C2CD2L: variants seen among roughly 807,000 people sequenced by gnomAD.
C2CD2L encodes C2CD2 like, also known as phospholipid transfer protein C2CD2L.
Under a neutral mutation model 69.9 loss-of-function variants are expected in C2CD2L, and 24 were observed. The observed-to-expected ratio is 0.34, with a 90% CI of 0.25 to 0.48. The LOEUF is 0.48. Ranked by LOEUF, C2CD2L falls within the 20% of genes least tolerant of loss-of-function variation. The probability of loss-of-function intolerance (pLI) is 0.99; values close to 1 mark genes in which losing one functional copy is unlikely to be tolerated. For synonymous variants in C2CD2L, 367 were observed against 391.0 expected, an observed-to-expected ratio of 0.94 and a Z score of 0.72; for missense variants, 811 against 941.5, an observed-to-expected ratio of 0.86 and a Z score of 1.81.
At position 119,110,140 on chromosome 11, in the gene C2CD2L, C is replaced by T. The variant is rs1360778626; in HGVS notation, c.391C>T (p.Leu131Phe). The T allele has an allele frequency of 6.2e-7, 1 of 1,614,100 alleles. No individual in the cohort carries two copies. The highest frequency in any genetic ancestry group is 2.2e-5 in the East Asian group (1 of 44,882). The change falls in exon 2 of 14, where the codon CTC becomes TTC. Residue 131 changes from leucine to phenylalanine, a missense_variant. Coordinates refer to ENST00000648610, the MANE Select transcript of C2CD2L (RefSeq NM_001290474.2). This position sits in a 1 kb window ranked among gnomAD's most constrained non-coding sequence, Gnocchi z 5.7. ...IQIAFEEVPQLPPRASISHVT... is the reference protein window; with the variant it reads ...IQIAFEEVPQFPPRASISHVT... ...AATCGCCTTTGAGGAGGTGCCCCAA[C>T]TCCCACCCAGAGCCAGCATCAGTCA...
At position 119,113,730 on chromosome 11, in the gene C2CD2L, T is replaced by G. The variant is rs7129574; in HGVS notation, c.1489+18T>G. The G allele has an allele frequency of 4.8e-3, 7,811 of 1,612,988 alleles. 324 individuals are homozygous for G. The African/African-American group carries it at 0.09, about 19-fold the overall frequency. On this transcript the variant is annotated intron_variant, in intron 11 of 13. Coordinates refer to ENST00000648610, the MANE Select transcript of C2CD2L (RefSeq NM_001290474.2). ...CAGCAGCCGTGAGTGGGGAATGGGG[T>G]GCATGAGTGTGGGTTGGCCCTGGTG...
Position 119,113,905 on chromosome 11 carries a change from C to A in C2CD2L, c.1540C>A (p.Arg514Ser), listed in dbSNP as rs140858856. The A allele has an allele frequency of 1.2e-6, 2 of 1,614,176 alleles. No individual in the cohort carries two copies. The highest frequency in any genetic ancestry group is 8.5e-7 in the Non-Finnish European group (1 of 1,180,026). Residue 514 changes from arginine to serine, a missense_variant, in exon 12 of 14, where the codon CGC becomes AGC. Physicochemically the swap from Arg to Ser is moderately radical, Grantham distance 110. Coordinates refer to ENST00000648610, the MANE Select transcript of C2CD2L (RefSeq NM_001290474.2). ...GGACCCTGTAGCAGAGACAGCGATT[C>A]GCCAGCTGACAGAGCCCAGTGGGCG... ...GLDPVAETAI[R>S]QLTEPSGRVA... is the part of the protein sequence containing the mutation.
chr11:119,116,083 C>G lies in C2CD2L; in HGVS notation c.1948C>G (p.Arg650Gly), dbSNP rs951788198. The G allele has an allele frequency of 1.9e-6, 3 of 1,614,108 alleles. No homozygotes were observed. The highest frequency in any genetic ancestry group is 2.2e-5 in the East Asian group (1 of 44,872). Residue 650 changes from arginine to glycine, a missense_variant, in exon 14 of 14, where the codon CGG becomes GGG. Transcript: ENST00000648610. ...LRSGTKLIFR[R>G]RPRQKEAGLS... is the part of the protein sequence containing the mutation. ...CAGCGGCACTAAGCTCATCTTCCGC[C>G]GGAGGCCTAGGCAGAAGGAAGCTGG... is the stretch of plus-strand genomic sequence containing the variant.
rs890713799 is a variant in C2CD2L at position 119,112,573 on chromosome 11, G to A, written c.1176G>A (p.Gly392=). Residue 392 remains glycine, a synonymous_variant, in exon 9 of 14, where the codon GGG becomes GGA. Transcript: ENST00000648610. ...RQLCPLTPGP[G]KALGPAATMA... is the part of the protein sequence containing the mutation. ...TGTGCCCACTCACCCCAGGGCCAGG[G>A]AAAGCCCTGGGACCAGCAGCCACCA... is the stretch of plus-strand genomic sequence containing the variant. 2.5e-5 allele frequency: 41 copies of A among 1,612,302 alleles called. No individual in the cohort carries two copies. The highest frequency in any genetic ancestry group is 3.4e-5 in the Non-Finnish European group (40 of 1,179,606).
At position 119,116,329 on chromosome 11, in the gene C2CD2L, C is replaced by T. The variant is rs1157469345; in HGVS notation, c.*73C>T. The T allele has an allele frequency of 5.6e-6, 7 of 1,256,820 alleles. No homozygotes were observed. The highest frequency in any genetic ancestry group is 8.0e-6 in the Non-Finnish European group (7 of 872,134). 77.9% of individuals were successfully genotyped at this position (1,256,820 alleles called of 1,614,324 possible). On this transcript the variant is annotated 3_prime_UTR_variant, in exon 14 of 14. Transcript: ENST00000648610. The stretch of plus-strand genomic sequence containing the variant: ...TCCCCTTCCATACCCCTTCCTGGAT[C>T]TCCAGTGCCTGGGCCAGGAAAGCCC...
rs748085659 is a variant in C2CD2L at position 119,113,935 on chromosome 11, G to A, written c.1570G>A (p.Ala524Thr). ...RQLTEPSGRV[A>T]KKTPTKRSTL... is the part of the protein sequence containing the mutation. ...GCTGACAGAGCCCAGTGGGCGGGTG[G>A]CCAAGAAGACACCCACCAAGCGCAG... Residue 524 changes from alanine to threonine, a missense_variant, in exon 12 of 14, where the codon GCC (alanine) becomes ACC (threonine). Coordinates refer to ENST00000648610, the MANE Select transcript of C2CD2L (RefSeq NM_001290474.2). 6.2e-7 allele frequency: 1 copy of A among 1,614,084 alleles called. No individual in the cohort carries two copies. The highest frequency in any genetic ancestry group is 1.3e-5 in the African/African-American group (1 of 74,926).
chr11:119,102,493 A>AT (rs1946526975), upstream of C2CD2L: 1 of 368,378 alleles, frequency 2.7e-6, no homozygotes, highest in Non-Finnish European at 5.6e-6. Flanking sequence ...CGATTCTGGT[A>AT]TTTTTTTCTC....
At position 119,116,397 on chromosome 11, in the gene C2CD2L, G is replaced by C. The variant is rs367548244; in HGVS notation, c.*141G>C. The C allele has an allele frequency of 1.5e-6, 1 of 670,420 alleles. No individual in the cohort carries two copies. The highest frequency in any genetic ancestry group is 1.9e-5 in the South Asian group (1 of 53,936). The allele number at this position is 670,420 out of a possible 1,614,324, so 41.5% of individuals were successfully genotyped here. ...CCCGTCCACCCTGGGCCATGGGGCC[G>C]GTTGGAAGGATACTTGGAACGGGAA... On this transcript the variant is annotated 3_prime_UTR_variant, in exon 14 of 14. Coordinates refer to ENST00000648610, the MANE Select transcript of C2CD2L (RefSeq NM_001290474.2).
chr11:119,118,100 T>C lies in C2CD2L; in HGVS notation c.*1844T>C, dbSNP rs548231064. ...TTTTTTTTCAATTAGATAATTTAGT[T>C]TTATATATTTGGGGGGACAAGTGCA... On this transcript the variant is annotated 3_prime_UTR_variant, in exon 14 of 14. Transcript: ENST00000648610. 2.0e-5 allele frequency: 3 copies of C among 152,156 alleles called. No individual in the cohort carries two copies. Among genetic ancestry groups the C allele is most frequent in the African/African-American group, 7.2e-5 (3 of 41,508 alleles). The allele number at this position is 152,156 out of a possible 1,614,324, so 9.4% of individuals were successfully genotyped here. A position where few individuals can be genotyped will look rare whatever the true frequency, so the allele number is the denominator to read the frequency against.
At chr11:119,106,256 T>G (rs1237201307), upstream of C2CD2L, among the ~76,000 whole-genome samples, 1 of 152,264 alleles carries the variant, frequency 6.6e-6, no homozygotes, top group African/African-American at 2.4e-5. Context: ...CTTATTCTCA[T>G]GTGCTCATTC....
At chr11:119,105,621 C>T (rs1051266609), upstream of C2CD2L, among the ~76,000 whole-genome samples, 20 of 139,186 alleles carry the variant, frequency 1.4e-4, no homozygotes, top group Admixed American at 3.8e-4. Flanking sequence ...GCCTGGGCAA[C>T]AGTGACTTTC....
upstream of C2CD2L, among the ~76,000 whole-genome samples, chr11:119,102,623 T>G (rs1946528316): frequency 6.6e-6 from 1 of 152,002 alleles, no homozygotes; most frequent in African/African-American, 2.4e-5. Context: ...GACTTCAGCT[T>G]GGCCGTGGAT....
chr11:119,107,596 C>T lies in C2CD2L; in HGVS notation c.-146C>T. The T allele has an allele frequency of 2.1e-6, 1 of 469,396 alleles. No individual in the cohort carries two copies. The highest frequency in any genetic ancestry group is 3.6e-6 in the Non-Finnish European group (1 of 274,246). 29.1% of individuals were successfully genotyped at this position (469,396 alleles called of 1,614,324 possible). Reference sequence around the variant, plus strand: ...TCCTCGCCCTGTGGCACCCACTAGTCCTGGGCACTCAGCCGCGGAGAGCCC... The same window carrying T: ...TCCTCGCCCTGTGGCACCCACTAGTTCTGGGCACTCAGCCGCGGAGAGCCC... On this transcript the variant is annotated 5_prime_UTR_variant, in exon 1 of 14. Transcript: ENST00000648610. This position sits in a 1 kb window ranked among gnomAD's most constrained non-coding sequence, Gnocchi z 5.4.
intron 1 of C2CD2L, 102 bp downstream of exon 1, chr11:119,108,197 G>T: frequency 1.4e-6 from 1 of 727,604 alleles, no homozygotes; most frequent in South Asian, 1.9e-5. Flanking sequence ...GCATAAACTG[G>T]GGAACCCTAT....
upstream of C2CD2L, chr11:119,102,256 G>C (rs759377136): frequency 4.5e-5 from 22 of 485,102 alleles, no homozygotes; most frequent in Non-Finnish European, 8.3e-5. Flanking sequence ...CTTAATCTGG[G>C]ATGCCTCCGG....
Position 119,113,971 on chromosome 11 carries a change from A to C in C2CD2L, c.1606A>C (p.Ile536Leu). 6.2e-7 allele frequency: 1 copy of C among 1,614,092 alleles called. No homozygotes were observed. Among genetic ancestry groups the C allele is most frequent in the Non-Finnish European group, 8.5e-7 (1 of 1,179,994 alleles). ...ACCCACCAAGCGCAGCACTCTCATC[A>C]TCTCTGGTGTTTCCAAGGTAACAGG... The part of the protein sequence containing the change: ...KTPTKRSTLI[I>L]SGVSKVPIAQ... Residue 536 changes from isoleucine to leucine, a missense_variant, in exon 12 of 14, where the codon ATC becomes CTC. By Grantham distance (5) the Ile-to-Leu change is conservative. Coordinates refer to ENST00000648610, the MANE Select transcript of C2CD2L (RefSeq NM_001290474.2).
chr11:119,113,984 C>T lies in C2CD2L; in HGVS notation c.1619C>T (p.Ser540Phe). The T allele has an allele frequency of 1.9e-6, 3 of 1,614,102 alleles. No homozygotes were observed. The highest frequency in any genetic ancestry group is 2.5e-6 in the Non-Finnish European group (3 of 1,179,976). ...AGCACTCTCATCATCTCTGGTGTTT[C>T]CAAGGTAACAGGGCTCTGGGGAGAG... Reference protein sequence around the residue: ...KRSTLIISGVSKVPIAQDELA... With the variant: ...KRSTLIISGVFKVPIAQDELA... Residue 540 changes from serine to phenylalanine, a missense_variant, in exon 12 of 14, where the codon TCC becomes TTC. Ser to Phe is a radical substitution (Grantham distance 155). Coordinates refer to ENST00000648610, the MANE Select transcript of C2CD2L (RefSeq NM_001290474.2).
At chr11:119,111,204 C>G (rs1351560529) in intron 5 of C2CD2L, 36 bp downstream of exon 5, 3 of 1,610,608 alleles carry the variant, frequency 1.9e-6, no homozygotes, top group Non-Finnish European at 2.5e-6. Flanking sequence ...TTTGCATGCA[C>G]CTTGTTCCTA....
At chr11:119,115,754 T>A in intron 13 of C2CD2L, 1 of 488,468 alleles carries the variant, frequency 2.0e-6, no homozygotes, top group Non-Finnish European at 3.6e-6. Flanking sequence ...CCGTGATATC[T>A]CTTTTGCGGG....
Sources: gnomAD v4.1 joint callset for allele counts (sites outside exome capture counted in the v4.1 genomes callset) on GRCh38, gnomAD v4.1.1 for gene constraint, Gnocchi (gnomAD v3.1) non-coding constraint, MANE v1.5 for transcripts, NCBI Gene and HGNC (gene_info 2026-07-23, HGNC 2026-07-21) for gene names.